STK31: variants seen among roughly 807,000 people sequenced by gnomAD.
The protein encoded by STK31 is serine/threonine kinase 31, also known as serine/threonine-protein kinase 31.
In STK31, 89 loss-of-function variants were observed where a neutral mutation model predicts 129.7. The ratio of observed to expected loss-of-function variants is 0.69; its 90% confidence interval spans 0.58 to 0.82. STK31 has a LOEUF of 0.82. Ranked by LOEUF, STK31 falls within the 40% of genes least tolerant of loss-of-function variation. STK31 has a pLI of 0.00. For missense variants in STK31, 1,187 were observed against 1,176.4 expected, an observed-to-expected ratio of 1.01 and a Z score of -0.13; for synonymous variants, 448 against 395.3, an observed-to-expected ratio of 1.13 and a Z score of -1.58.
At chr7:23,765,892 T>C (rs766844022) in intron 11 of STK31, among the ~76,000 whole-genome samples, 1 of 152,170 alleles carries the variant, frequency 6.6e-6, no homozygotes, top group Non-Finnish European at 1.5e-5. Context: ...TTGGTGTCTT[T>C]CCTCTCTTTC....
chr7:23,810,711 A>T, intron 22 of STK31, among the ~76,000 whole-genome samples: 1 of 66,648 alleles, frequency 1.5e-5, no homozygotes, highest in South Asian at 3.9e-4. Flanking sequence ...GATATATATA[A>T]AATAGATATA....
At chr7:23,804,695 A>T (rs1792587832) in intron 22 of STK31, among the ~76,000 whole-genome samples, 1 of 152,168 alleles carries the variant, frequency 6.6e-6, no homozygotes, top group African/African-American at 2.4e-5. Flanking sequence ...ATAACGTGAG[A>T]CCCAAACCTT....
intron 4 of STK31, among the ~76,000 whole-genome samples, chr7:23,726,778 G>C (rs953989894): frequency 2.6e-5 from 4 of 152,028 alleles, no homozygotes; most frequent in African/African-American, 9.7e-5. Context: ...TATACGTAAA[G>C]TAAAAAGTAT....
chr7:23,786,566 A>C lies in STK31; in HGVS notation c.2333A>C (p.His778Pro). ...GTGATTGAGAGAGCAGCCACCTACC[A>C]TAGAGCTTGGAGAGAAGCTGAAGGA... ...AKVIERAATY[H>P]RAWREAEGDS... Residue 778 changes from histidine to proline, a missense_variant, in exon 19 of 24, where the codon CAT becomes CCT. Coordinates refer to ENST00000355870, the MANE Select transcript of STK31 (RefSeq NM_031414.5). 1 of 1,613,840 alleles carries C rather than the reference A, an allele frequency of 6.2e-7. No individual in the cohort carries two copies. Among genetic ancestry groups the C allele is most frequent in the Non-Finnish European group, 8.5e-7 (1 of 1,179,848 alleles).
chr7:23,726,466 T>G, intron 4 of STK31: 1 of 130,288 alleles, frequency 7.7e-6, no homozygotes, highest in Middle Eastern at 3.6e-3. Context: ...AATACAAAAC[T>G]TAGCCCAGGC....
At position 23,716,834 on chromosome 7, in the gene STK31, A is replaced by G. The variant is rs978174145; in HGVS notation, c.151-647A>G. Among the ~76,000 whole-genome samples, 12 of 140,214 alleles carry G rather than the reference A, an allele frequency of 8.6e-5. No individual in the cohort carries two copies. In the East Asian group the frequency reaches 2.5e-3, roughly 29 times the overall value. The allele number at this position is 140,214 out of a possible 152,430, so 92.0% of individuals were successfully genotyped here. On this transcript the variant is annotated intron_variant, in intron 3 of 23. Transcript: ENST00000355870. ...TTTTTTTCAAGACAGGGTCTCCGTC[A>G]CCAAGGCTAGAGTGCAGTAGTGTGC...
chr7:23,731,068 G>A (rs1488523510), intron 6 of STK31, among the ~76,000 whole-genome samples: 12 of 151,130 alleles, frequency 7.9e-5, no homozygotes, highest in Non-Finnish European at 2.9e-5. Flanking sequence ...ATTTTTAGTA[G>A]AGGTGGGGTT....
intron 17 of STK31, 83 bp downstream of exon 17, chr7:23,783,746 TTATAG>T: frequency 9.2e-7 from 1 of 1,088,492 alleles, no homozygotes; most frequent in Non-Finnish European, 1.3e-6. Context: ...AGTGTTAAAC[TTATAG>T]TATCTTTTAA....
intron 22 of STK31, among the ~76,000 whole-genome samples, chr7:23,813,834 C>G (rs1793302528): frequency 6.6e-6 from 1 of 152,018 alleles, no homozygotes; most frequent in Non-Finnish European, 1.5e-5. Flanking sequence ...AGAACCATCC[C>G]TTGTTATGGT....
At chr7:23,786,011 A>G (rs1161683036) in intron 18 of STK31, among the ~76,000 whole-genome samples, 1 of 152,126 alleles carries the variant, frequency 6.6e-6, no homozygotes, top group Non-Finnish European at 1.5e-5. Context: ...ATAAGTATAT[A>G]AAAGTCATTA....
At chr7:23,806,684 A>C (rs536516044) in intron 22 of STK31, among the ~76,000 whole-genome samples, 2 of 152,164 alleles carry the variant, frequency 1.3e-5, no homozygotes, top group South Asian at 4.1e-4. Context: ...GTGGATCACG[A>C]GGTCAGGAGA....
At chr7:23,749,112 T>A (rs994675661) in intron 8 of STK31, among the ~76,000 whole-genome samples, 1 of 152,244 alleles carries the variant, frequency 6.6e-6, no homozygotes, top group Non-Finnish European at 1.5e-5. Context: ...CATTTCTTTT[T>A]GGTTCATTCT....
At chr7:23,773,181 C>T (rs1486745318) in intron 15 of STK31, among the ~76,000 whole-genome samples, 2 of 152,102 alleles carry the variant, frequency 1.3e-5, no homozygotes, top group Admixed American at 6.6e-5. Flanking sequence ...TCTCCTAATG[C>T]TATTCCTCCC....
At chr7:23,828,052 TGAG>T (rs1271867343) in intron 23 of STK31, among the ~76,000 whole-genome samples, 2 of 152,188 alleles carry the variant, frequency 1.3e-5, no homozygotes, top group African/African-American at 2.4e-5. Flanking sequence ...GGGACCCACT[TGAG>T]GAGGCAGTCT....
chr7:23,714,726 A>C (rs1001299762), intron 3 of STK31, among the ~76,000 whole-genome samples: 4 of 152,118 alleles, frequency 2.6e-5, no homozygotes, highest in African/African-American at 9.7e-5. Context: ...CTTTGATTTC[A>C]GTTTACTTTA....
intron 4 of STK31, among the ~76,000 whole-genome samples, chr7:23,725,162 G>A (rs572013946): frequency 6.6e-6 from 1 of 152,196 alleles, no homozygotes; most frequent in Admixed American, 6.5e-5. Flanking sequence ...GACCATTGTA[G>A]TGTTTAAGAT....
intron 22 of STK31, among the ~76,000 whole-genome samples, chr7:23,800,915 G>T (rs1274344265): frequency 9.2e-5 from 14 of 152,014 alleles, no homozygotes; most frequent in Non-Finnish European, 2.1e-4. Flanking sequence ...TTTCTGAATA[G>T]TGCTCTGTTG....
At chr7:23,773,151 C>G (rs28629874) in intron 15 of STK31, among the ~76,000 whole-genome samples, 1 of 151,870 alleles carries the variant, frequency 6.6e-6, no homozygotes, top group Non-Finnish European at 1.5e-5. Flanking sequence ...CCCATCAACC[C>G]GTCACCTACA....
At chr7:23,788,784 T>C (rs1791450869) in intron 21 of STK31, among the ~76,000 whole-genome samples, 1 of 152,156 alleles carries the variant, frequency 6.6e-6, no homozygotes, top group Non-Finnish European at 1.5e-5. Context: ...AGTGGCCAAA[T>C]CAGTAATTAT....
Sources: allele counts gnomAD v4.1 joint callset (sites outside exome capture counted in the v4.1 genomes callset), GRCh38; gene constraint gnomAD v4.1.1; transcripts MANE v1.5; gene names NCBI Gene and HGNC (gene_info 2026-07-23, HGNC 2026-07-21).